CEP350: variants seen among roughly 807,000 people sequenced by gnomAD.
CEP350 encodes centrosomal protein 350.
In CEP350, 126 loss-of-function variants were observed where a neutral mutation model predicts 331.8. That is an observed-to-expected ratio of 0.38 (90% CI 0.33 to 0.44). CEP350 has a LOEUF of 0.44. Ranked by LOEUF, CEP350 falls within the 20% of genes least tolerant of loss-of-function variation. CEP350 has a pLI of 1.00. For synonymous variants in CEP350, 1,200 were observed against 1,259.5 expected, an observed-to-expected ratio of 0.95 and a Z score of 1.00; for missense variants, 3,406 against 3,634.6, an observed-to-expected ratio of 0.94 and a Z score of 1.62.
At chr1:179,978,766 C>A (rs1343031757) in intron 1 of CEP350, among the ~76,000 whole-genome samples, 6 of 151,776 alleles carry the variant, frequency 4.0e-5, no homozygotes, top group Non-Finnish European at 7.4e-5. Flanking sequence ...TTTTTCTTTT[C>A]TTTTTTATGG....
chr1:180,062,359 G>T lies in CEP350; in HGVS notation c.5402G>T (p.Ser1801Ile). ...LQEKLKSAGE[S>I]KLDSHSDDDT... is the part of the protein sequence containing the mutation. ...GAGAAATTGAAGTCTGCAGGGGAGA[G>T]TAAATTGGTAAACTACATGAAGTTA... Residue 1801 changes from serine to isoleucine, a missense_variant, in exon 26 of 38, where the codon AGT (serine) becomes ATT (isoleucine). By Grantham distance (142) the Ser-to-Ile change is moderately radical. This residue lies in a region of CEP350 where 1,415 missense variants were observed against 1,512.3 expected (regional missense o/e 0.94). Transcript: ENST00000367607. The T allele has an allele frequency of 6.3e-7, 1 of 1,593,682 alleles. No homozygotes were observed. The highest frequency in any genetic ancestry group is 8.5e-7 in the Non-Finnish European group (1 of 1,170,374).
At chr1:180,032,788 T>C (rs900032340) in intron 15 of CEP350, among the ~76,000 whole-genome samples, 3 of 152,170 alleles carry the variant, frequency 2.0e-5, no homozygotes, top group Non-Finnish European at 4.4e-5. Context: ...ATTCATCTTA[T>C]AAAACCCTAA....
intron 1 of CEP350, chr1:179,969,121 C>T (rs1000396275): frequency 1.5e-6 from 1 of 663,786 alleles, no homozygotes; most frequent in Non-Finnish European, 2.8e-6. Flanking sequence ...CCATCCCGTG[C>T]AACAATAAGG....
At chr1:180,038,324 T>TA (rs1656510230) in intron 17 of CEP350, among the ~76,000 whole-genome samples, 1 of 152,242 alleles carries the variant, frequency 6.6e-6, no homozygotes, top group Non-Finnish European at 1.5e-5. Context: ...TTCCAGTTTT[T>TA]AGCTATTGTG....
chr1:180,042,132 T>TCTCACACACACACACACA lies in CEP350; in HGVS notation c.4362+331_4362+332insTCACACACACACACACAC, dbSNP rs1553258521. Among the ~76,000 whole-genome samples, 32 of 146,774 alleles carry TCTCACACACACACACACA rather than the reference T, an allele frequency of 2.2e-4. 1 individual carries two copies. Among genetic ancestry groups the TCTCACACACACACACACA allele is most frequent in the African/African-American group, 7.8e-4 (31 of 39,728 alleles). The stretch of plus-strand genomic sequence containing the variant: ...AGTATGCAATTTGGTGAGTTTTCTC[T>TCTCACACACACACACACA]CACACACACACACACACACACACAC... On this transcript the variant is annotated intron_variant, in intron 19 of 37. Transcript: ENST00000367607.
intron 7 of CEP350, among the ~76,000 whole-genome samples, chr1:180,003,880 T>C (rs1001737583): frequency 6.6e-6 from 1 of 152,100 alleles, no homozygotes; most frequent in African/African-American, 2.4e-5. Flanking sequence ...TAGGGTTGGA[T>C]AGAGTAATTA....
chr1:180,046,793 A>G (rs1657152311), intron 21 of CEP350, among the ~76,000 whole-genome samples: 1 of 152,196 alleles, frequency 6.6e-6, no homozygotes, highest in South Asian at 2.1e-4. Flanking sequence ...TATCACCAGA[A>G]CTTAGCAAAG....
chr1:179,986,466 A>G (rs1652653149), intron 2 of CEP350, among the ~76,000 whole-genome samples: 1 of 152,200 alleles, frequency 6.6e-6, no homozygotes, highest in African/African-American at 2.4e-5. Context: ...ATCCTTTTTT[A>G]AAATGAACCA....
rs765887326 is a variant in CEP350 at position 180,052,981 on chromosome 1, A to G, written c.4804A>G (p.Ile1602Val). The change falls in exon 23 of 38, where the codon ATT (isoleucine) becomes GTT (valine). Residue 1602 changes from isoleucine (I) to valine (V), a missense_variant. By Grantham distance (29) the Ile-to-Val change is conservative. This residue lies in a region of CEP350 where 1,857 missense variants were observed against 1,909.2 expected (regional missense o/e 0.97). Transcript: ENST00000367607. ...CCATATTCTTTTAGACTCAACGTCT[A>G]TTGCAACAGAATATTCTCTGAAATT... Reference protein sequence around the residue: ...SLPDEKDSTSIATEYSLKFDE... With the variant: ...SLPDEKDSTSVATEYSLKFDE... The G allele has an allele frequency of 1.5e-5, 20 of 1,324,278 alleles. No homozygotes were observed. Among genetic ancestry groups the G allele is most frequent in the African/African-American group, 4.4e-5 (3 of 68,182 alleles). 82.0% of individuals were successfully genotyped at this position (1,324,278 alleles called of 1,614,324 possible). A position where few individuals can be genotyped will look rare whatever the true frequency, so the allele number is the denominator to read the frequency against.
rs201161431 is a variant in CEP350, at chr1:180,087,626, T to C, written c.6334T>C (p.Leu2112=). 1 of 1,553,734 alleles carries C rather than the reference T, an allele frequency of 6.4e-7. No individual in the cohort carries two copies. Residue 2112 remains leucine, a synonymous_variant, in exon 32 of 38, where the codon TTG becomes CTG. Transcript: ENST00000367607. The stretch of plus-strand genomic sequence containing the variant: ...AACTGAAGCCGAGCTTAGCCAAGAT[T>C]TGGAAACATCACCAACAGCCAAGCC... ...KKTEAELSQD[L]ETSPTAKPQI... is the part of the protein sequence containing the mutation.
intron 11 of CEP350, among the ~76,000 whole-genome samples, chr1:180,019,467 A>G (rs1409303774): frequency 1.3e-5 from 2 of 152,226 alleles, no homozygotes; most frequent in Non-Finnish European, 2.9e-5. Context: ...AGTGTTCAGC[A>G]TATAGTAAAT....
At chr1:180,012,996 T>A (rs1654755413) in intron 9 of CEP350, among the ~76,000 whole-genome samples, 3 of 152,220 alleles carry the variant, frequency 2.0e-5, no homozygotes. Flanking sequence ...TGCTGTAATC[T>A]CTAGGGCTTC....
At chr1:180,067,494 A>G (rs969494988) in intron 27 of CEP350, among the ~76,000 whole-genome samples, 23 of 152,122 alleles carry the variant, frequency 1.5e-4, no homozygotes, top group Non-Finnish European at 3.1e-4. Context: ...TTCGAGACCA[A>G]CCATGGCCAA....
At chr1:179,988,218 G>C (rs1362364543) in intron 3 of CEP350, among the ~76,000 whole-genome samples, 1 of 151,324 alleles carries the variant, frequency 6.6e-6, no homozygotes, top group African/African-American at 2.4e-5. Context: ...GATTACCTGA[G>C]CCCAGGAGCT....
At chr1:180,019,131 A>G (rs1655158244) in intron 11 of CEP350, among the ~76,000 whole-genome samples, 1 of 152,194 alleles carries the variant, frequency 6.6e-6, no homozygotes, top group South Asian at 2.1e-4. Flanking sequence ...TGCTGGGATT[A>G]CAGGCATCAG....
chr1:180,090,545 C>CAAAAAAAAA (rs36128628), intron 32 of CEP350, among the ~76,000 whole-genome samples, 169 bp from the exon 33 acceptor site: 2 of 77,372 alleles, frequency 2.6e-5, no homozygotes, highest in East Asian at 4.5e-4. Context: ...GACTCCGTCT[C>CAAAAAAAAA]AAAAAAAAAA....
Position 180,084,194 on chromosome 1 carries a change from A to G in CEP350, c.6285+16A>G, listed in dbSNP as rs778484063. ...GCAGTTAGAGGTTAGACATAGGAAG[A>G]AGGGGGTTTAGTATCAAGGCTAATG... On this transcript the variant is annotated intron_variant, in intron 31 of 37. Coordinates refer to ENST00000367607, the MANE Select transcript of CEP350 (RefSeq NM_014810.5). The G allele has an allele frequency of 1.3e-6, 2 of 1,568,772 alleles. No individual in the cohort carries two copies. Among genetic ancestry groups the G allele is most frequent in the African/African-American group, 1.4e-5 (1 of 73,008 alleles).
chr1:180,009,410 T>G (rs184892598), intron 8 of CEP350, among the ~76,000 whole-genome samples: 1 of 152,362 alleles, frequency 6.6e-6, no homozygotes, highest in Admixed American at 6.5e-5. Flanking sequence ...CTAAAACTTA[T>G]GAACACTGAT....
intron 36 of CEP350, among the ~76,000 whole-genome samples, chr1:180,098,544 A>G (rs918432040): frequency 7.9e-5 from 12 of 151,830 alleles, no homozygotes; most frequent in African/African-American, 2.4e-4. Context: ...GTCTCTCACT[A>G]TGTTGCTCAG....
Sources: gnomAD v4.1 joint callset for allele counts (sites outside exome capture counted in the v4.1 genomes callset) on GRCh38, gnomAD v4.1.1 for gene constraint, gnomAD v4.1.1 regional missense constraint, MANE v1.5 for transcripts, NCBI Gene and HGNC (gene_info 2026-07-23, HGNC 2026-07-21) for gene names.